The following GABRR1 variants were observed in gnomAD, a reference collection of about 807,000 sequenced individuals.
The protein encoded by GABRR1 is gamma-aminobutyric acid receptor subunit rho-1.
GABRR1 carries 59 observed loss-of-function variants against 55.5 expected under a neutral mutation model. That is an observed-to-expected ratio of 1.06 (90% CI 0.86 to 1.32). The LOEUF is 1.32. GABRR1 is among the 40% of genes most tolerant of loss of function. The pLI is 0.00. For synonymous variants in GABRR1, 213 were observed against 226.0 expected (o/e 0.94, Z 0.51); for missense variants, 602 against 619.1 (o/e 0.97, Z 0.29).
At chr6:89,187,208 GGTGT>G (rs752871448) in intron 6 of GABRR1, among the ~76,000 whole-genome samples, 3 of 145,974 alleles carry the variant, frequency 2.1e-5, no homozygotes, top group African/African-American at 8.0e-5. Context: ...GTTTCTGGGG[GGTGT>G]GTGTGTGTGT....
At position 89,190,263 on chromosome 6, in the gene GABRR1, C is replaced by A; in HGVS notation, c.573-16G>T. 1 of 1,585,856 alleles carries A rather than the reference C, an allele frequency of 6.3e-7. No homozygotes were observed. Reference sequence around the variant, plus strand: ...TACTGTAACCCTAGGGCCAAAAAGACAAAATTGATTTATTCAGAGCCTGCA... The same window carrying A: ...TACTGTAACCCTAGGGCCAAAAAGAAAAAATTGATTTATTCAGAGCCTGCA... On this transcript the variant is annotated splice_polypyrimidine_tract_variant and intron_variant, in intron 5 of 9. Transcript: ENST00000454853.
In GABRR1 at chr6:89,197,947, C is replaced by A. The variant is rs77084777; in HGVS notation, c.572+73G>T. 2.4e-3 allele frequency: 3,268 copies of A among 1,377,034 alleles called. 61 individuals are homozygous for A. In the African/African-American group the frequency reaches 0.041, roughly 17 times the overall value. The allele number at this position is 1,377,034 out of a possible 1,614,324, so 85.3% of individuals were successfully genotyped here. On this transcript the variant is annotated intron_variant, in intron 5 of 9. Coordinates refer to ENST00000454853, the MANE Select transcript of GABRR1 (RefSeq NM_002042.5). ...AAAGTTAGAAAGTAGACATTCAGAG[C>A]CAAAAACCCAAATTGCTGTTGTGAA...
Position 89,185,467 on chromosome 6 carries a change from C to A in GABRR1, c.656-17G>T. On this transcript the variant is annotated splice_polypyrimidine_tract_variant and intron_variant, in intron 6 of 9. Coordinates refer to ENST00000454853, the MANE Select transcript of GABRR1 (RefSeq NM_002042.5). ...TATAGGCATCTGAAAAGACAGGGGC[C>A]AGCATCAGACACAAGGTGGTGGCAA... 3 of 1,611,422 alleles carry A rather than the reference C, an allele frequency of 1.9e-6. No individual in the cohort carries two copies. The highest frequency in any genetic ancestry group is 2.5e-6 in the Non-Finnish European group (3 of 1,177,766).
intron 1 of GABRR1, among the ~76,000 whole-genome samples, chr6:89,212,412 CAAG>C (rs2127806664): frequency 2.9e-5 from 1 of 34,992 alleles, no homozygotes; most frequent in South Asian, 1.1e-3. Flanking sequence ...TGCTGCTGAG[CAAG>C]CAAGCATCGT....
At chr6:89,231,118 G>A (rs202246036) in intron 1 of GABRR1, 5,523 of 152,168 alleles carry the variant, frequency 0.036, 115 homozygotes, top group African/African-American at 0.067. Context: ...GCCCTGCTTC[G>A]GCTCGCGCAC....
intron 8 of GABRR1, among the ~76,000 whole-genome samples, chr6:89,181,664 G>A (rs1771723310): frequency 6.6e-6 from 1 of 152,136 alleles, no homozygotes; most frequent in South Asian, 2.1e-4. Context: ...CCTGGAACAC[G>A]GCTTCGACAA....
At chr6:89,201,518 G>A (rs1235162515) in intron 2 of GABRR1, among the ~76,000 whole-genome samples, 2 of 152,184 alleles carry the variant, frequency 1.3e-5, no homozygotes, top group Admixed American at 6.5e-5. Context: ...GGTGGCTCAC[G>A]CCTGCAATCC....
chr6:89,217,446 A>G (rs56082740), upstream of GABRR1: 109,514 of 1,024,318 alleles, frequency 0.11, 5,571 homozygotes, highest in Non-Finnish European at 0.12. Flanking sequence ...CAAAAAAAAA[A>G]TCAACCCACA....
At chr6:89,220,881 C>T (rs1221382812), upstream of GABRR1, among the ~76,000 whole-genome samples, 1 of 152,054 alleles carries the variant, frequency 6.6e-6, no homozygotes, top group Non-Finnish European at 1.5e-5. Flanking sequence ...CCACTACACC[C>T]AGCTAATTTT....
At chr6:89,192,552 C>T (rs1772134626) in intron 5 of GABRR1, among the ~76,000 whole-genome samples, 1 of 149,450 alleles carries the variant, frequency 6.7e-6, no homozygotes, top group East Asian at 2.0e-4. Flanking sequence ...TCTTCCTCTT[C>T]TTCTTCTTCT....
intron 1 of GABRR1, among the ~76,000 whole-genome samples, chr6:89,222,726 A>G (rs1469605384): frequency 6.6e-6 from 1 of 152,202 alleles, no homozygotes; most frequent in Non-Finnish European, 1.5e-5. Flanking sequence ...TTAATTTACG[A>G]TCATGACAAT....
At chr6:89,200,748 C>G (rs1487010644) in intron 3 of GABRR1, among the ~76,000 whole-genome samples, 1 of 152,176 alleles carries the variant, frequency 6.6e-6, no homozygotes, top group Non-Finnish European at 1.5e-5. Flanking sequence ...GAGCAGACCA[C>G]ATTCCACCGT....
Position 89,178,940 on chromosome 6 carries a change from T to C in GABRR1, c.1270A>G (p.Met424Val), listed in dbSNP as rs768738423. ...PENGEKPDRM[M>V]VQLTLASERS... Reference sequence around the variant, plus strand: ...TCTGAGGCCAGGGTCAGCTGCACCATCATCCTGTCGGGCTTCTCTCCATTC... The same window carrying C: ...TCTGAGGCCAGGGTCAGCTGCACCACCATCCTGTCGGGCTTCTCTCCATTC... Residue 424 changes from methionine to valine, a missense_variant, in exon 10 of 10, where the codon ATG (methionine) becomes GTG (valine). Physicochemically the swap from Met to Val is conservative, Grantham distance 21. This residue lies in a region of GABRR1 where 139 missense variants were observed against 141.1 expected (regional missense o/e 0.99). Transcript: ENST00000454853. 6.2e-7 allele frequency: 1 copy of C among 1,614,204 alleles called. No homozygotes were observed. The highest frequency in any genetic ancestry group is 8.5e-7 in the Non-Finnish European group (1 of 1,180,024).
intron 1 of GABRR1, among the ~76,000 whole-genome samples, chr6:89,206,289 GGGCATATAA>G (rs1772639894): frequency 6.6e-6 from 1 of 152,094 alleles, no homozygotes; most frequent in East Asian, 1.9e-4. Context: ...CGTGGAAGTT[GGGCATATAA>G]GGCCCATAAT....
intron 5 of GABRR1, among the ~76,000 whole-genome samples, chr6:89,196,824 A>AAAGAAAG (rs1370994510): frequency 6.4e-5 from 5 of 77,938 alleles, no homozygotes; most frequent in African/African-American, 2.8e-4. Flanking sequence ...GAAAAGAAGG[A>AAAGAAAG]AAGAAAGAAA....
chr6:89,205,089 A>G (rs1214777634), intron 1 of GABRR1, among the ~76,000 whole-genome samples: 2 of 152,216 alleles, frequency 1.3e-5, no homozygotes, highest in Admixed American at 6.5e-5. Flanking sequence ...CTCCTGTTGC[A>G]TGTGTTAACT....
intron 5 of GABRR1, among the ~76,000 whole-genome samples, chr6:89,196,822 G>GGAAAGGAAGAAA: frequency 1.1e-5 from 1 of 91,124 alleles, no homozygotes; most frequent in Admixed American, 1.4e-4. Context: ...AAGAAAAGAA[G>GGAAAGGAAGAAA]GAAAGAAAGA....
At chr6:89,210,837 G>A (rs1027170003) in intron 1 of GABRR1, among the ~76,000 whole-genome samples, 2 of 150,102 alleles carry the variant, frequency 1.3e-5, no homozygotes, top group African/African-American at 4.8e-5. Context: ...AAAAGGCAAT[G>A]CTGAGTGATT....
chr6:89,192,475 T>C (rs991807145), intron 5 of GABRR1, among the ~76,000 whole-genome samples: 1 of 152,118 alleles, frequency 6.6e-6, no homozygotes, highest in Non-Finnish European at 1.5e-5. Context: ...ACTCACGGAA[T>C]GCCCACAATG....
Sources: allele counts gnomAD v4.1 joint callset (sites outside exome capture counted in the v4.1 genomes callset), GRCh38; gene constraint gnomAD v4.1.1; regional missense constraint gnomAD v4.1.1; transcripts MANE v1.5; gene names NCBI Gene and HGNC (gene_info 2026-07-23, HGNC 2026-07-21).